The following SATB1 variants were observed in gnomAD, a reference collection of about 807,000 sequenced individuals.
SATB1 encodes SATB homeobox 1, also known as DNA-binding protein SATB1.
Under a neutral mutation model 86.9 loss-of-function variants are expected in SATB1, and 11 were observed. The ratio of observed to expected loss-of-function variants is 0.13; its 90% CI spans 0.08 to 0.21. SATB1 has a LOEUF of 0.21. Among genes scored for constraint, SATB1 ranks in the 10% least tolerant of loss-of-function variants. The pLI, the probability that SATB1 is intolerant of heterozygous loss-of-function variation, is 1.00. For missense variants in SATB1, 551 were observed against 937.6 expected (o/e 0.59, Z 5.39); for synonymous variants, 357 against 357.2 (o/e 1.00, Z 0.01).
intron 9 of SATB1, among the ~76,000 whole-genome samples, chr3:18,377,117 T>TA (rs1214882192): frequency 1.3e-5 from 2 of 152,100 alleles, no homozygotes; most frequent in Non-Finnish European, 1.5e-5. Context: ...GTCGATAGGG[T>TA]AAAAGTTTAG....
chr3:18,371,392 A>G (rs1450050171), intron 9 of SATB1, among the ~76,000 whole-genome samples: 2 of 152,242 alleles, frequency 1.3e-5, no homozygotes, highest in East Asian at 3.9e-4. Flanking sequence ...ATATAGATAT[A>G]TATATTTTTA....
chr3:18,388,321 G>C (rs143181809), intron 7 of SATB1, among the ~76,000 whole-genome samples: 2 of 151,530 alleles, frequency 1.3e-5, no homozygotes, highest in Non-Finnish European at 2.9e-5. Context: ...AAACATTCAG[G>C]TCTCAAAAAA....
At chr3:18,422,595 T>G (rs1479168895) in intron 1 of SATB1, among the ~76,000 whole-genome samples, 2 of 152,252 alleles carry the variant, frequency 1.3e-5, no homozygotes, top group African/African-American at 4.8e-5. Context: ...TATATTAAAC[T>G]GCAGTCTAAA....
chr3:18,378,174 C>A lies in SATB1; in HGVS notation c.1571G>T (p.Ser524Ile). ...ATGCCTAACAGAGGCTCTTACCTGG[C>A]TTTTGGTTGCTGCAACCTTTGCAAA... ...ALFAKVAATK[S>I]QGWLCELLRW... The change falls in exon 9 of 11, where the codon AGC becomes ATC. Residue 524 changes from serine to isoleucine, a missense_variant. Ser to Ile is a moderately radical substitution (Grantham distance 142). Coordinates refer to ENST00000338745, the MANE Select transcript of SATB1 (RefSeq NM_002971.6). 6.4e-7 allele frequency: 1 copy of A among 1,573,018 alleles called. No individual in the cohort carries two copies. The highest frequency in any genetic ancestry group is 1.9e-5 in the Admixed American group (1 of 52,136).
chr3:18,374,906 T>TA (rs1695667693), intron 9 of SATB1, among the ~76,000 whole-genome samples: 1 of 152,218 alleles, frequency 6.6e-6, no homozygotes, highest in Non-Finnish European at 1.5e-5. Context: ...GCATACATTG[T>TA]AGCATGTGCC....
intron 10 of SATB1, chr3:18,351,248 G>T (rs927794358): frequency 3.1e-5 from 41 of 1,337,020 alleles, no homozygotes; most frequent in Non-Finnish European, 3.9e-5. Flanking sequence ...CTGACCTGGG[G>T]AGCAGGTCTT....
chr3:18,386,912 A>G lies in SATB1; in HGVS notation c.1207-301T>C, dbSNP rs1407094497. 1.3e-5 allele frequency among the ~76,000 whole-genome samples: 2 copies of G among 152,210 alleles called. No homozygotes were observed. The highest frequency in any genetic ancestry group is 4.8e-5 in the African/African-American group (2 of 41,446). ...AGAGAGACGATCCAGGGAAGTTAAG[A>G]ATAAACGAAATCCTTATAATGCAAC... On this transcript the variant is annotated intron_variant, in intron 7 of 10. Transcript: ENST00000338745. This position sits in a 1 kb window ranked among gnomAD's most constrained non-coding sequence, Gnocchi z 4.5.
At chr3:18,406,964 T>C (rs1697571089) in intron 5 of SATB1, among the ~76,000 whole-genome samples, 1 of 152,070 alleles carries the variant, frequency 6.6e-6, no homozygotes, top group African/African-American at 2.4e-5. Flanking sequence ...TCAGGATCTA[T>C]GACAGTGATG....
At chr3:18,368,441 C>T (rs978753476) in intron 9 of SATB1, among the ~76,000 whole-genome samples, 5 of 151,860 alleles carry the variant, frequency 3.3e-5, no homozygotes, top group Non-Finnish European at 7.4e-5. Flanking sequence ...TGAAAGTTAT[C>T]GTGGAGTAAA....
At chr3:18,437,581 T>C (rs1006205307) in intron 1 of SATB1, among the ~76,000 whole-genome samples, 1 of 152,208 alleles carries the variant, frequency 6.6e-6, no homozygotes, top group Non-Finnish European at 1.5e-5. Flanking sequence ...TACAGTATTA[T>C]TAAAATACAG....
In SATB1 at chr3:18,386,662, C is replaced by A. The variant is rs777597840; in HGVS notation, c.1207-51G>T. 1 of 1,451,084 alleles carries A rather than the reference C, an allele frequency of 6.9e-7. No individual in the cohort carries two copies. Among genetic ancestry groups the A allele is most frequent in the Non-Finnish European group, 9.7e-7 (1 of 1,033,780 alleles). The allele number at this position is 1,451,084 out of a possible 1,614,324, so 89.9% of individuals were successfully genotyped here. On this transcript the variant is annotated intron_variant, in intron 7 of 10. Transcript: ENST00000338745. The surrounding 1 kb of genome is among the most constrained non-coding windows in gnomAD (Gnocchi z 4.5). ...GAGCCTGCTGCCTTGCTTTGCCTGGCCAGCAGTGATCCTTCCCTTTTCTTC... is the reference window on the plus strand; with the variant it reads ...GAGCCTGCTGCCTTGCTTTGCCTGGACAGCAGTGATCCTTCCCTTTTCTTC...
chr3:18,350,502 A>C (rs939005357), intron 10 of SATB1: 1 of 152,356 alleles, frequency 6.6e-6, no homozygotes, highest in African/African-American at 2.4e-5. Flanking sequence ...CATACTGTAC[A>C]CTCGATATCC....
chr3:18,377,179 C>T (rs1178020734), intron 9 of SATB1, among the ~76,000 whole-genome samples: 1 of 152,018 alleles, frequency 6.6e-6, no homozygotes, highest in Non-Finnish European at 1.5e-5. Context: ...ATAAATACTC[C>T]CACAATTGTG....
chr3:18,410,285 A>G (rs1398674689), intron 5 of SATB1, among the ~76,000 whole-genome samples: 1 of 152,138 alleles, frequency 6.6e-6, no homozygotes, highest in East Asian at 1.9e-4. Flanking sequence ...AAAGCATATT[A>G]TAAAACCTAT....
chr3:18,401,926 C>A (rs1697288903), intron 5 of SATB1, among the ~76,000 whole-genome samples: 1 of 152,130 alleles, frequency 6.6e-6, no homozygotes, highest in Non-Finnish European at 1.5e-5. Context: ...GCTGAGCTTC[C>A]TTTTCAGCCA....
At chr3:18,435,577 TCTA>T (rs1699030372) in intron 2 of SATB1, among the ~76,000 whole-genome samples, 1 of 152,152 alleles carries the variant, frequency 6.6e-6, no homozygotes, top group South Asian at 2.1e-4. Flanking sequence ...AAAAGGTATG[TCTA>T]CCTTATGTCC....
At chr3:18,389,638 A>G (rs555989707) in intron 7 of SATB1, among the ~76,000 whole-genome samples, 117 of 152,218 alleles carry the variant, frequency 7.7e-4, no homozygotes, top group African/African-American at 2.7e-3. Context: ...CATGCTAAAA[A>G]ATAGTATGAA....
At chr3:18,416,634 C>CA (rs1165394281) in intron 3 of SATB1, among the ~76,000 whole-genome samples, 1 of 152,042 alleles carries the variant, frequency 6.6e-6, no homozygotes, top group Non-Finnish European at 1.5e-5. Context: ...TGTGGGTCCT[C>CA]AGTGGAGCAG....
At position 18,345,525 on chromosome 3, in the gene SATB1, T is replaced by C. The variant is rs996678710; in HGVS notation, c.*3645A>G. The C allele has an allele frequency of 6.6e-6, 1 of 152,164 alleles. No individual in the cohort carries two copies. The highest frequency in any genetic ancestry group is 2.4e-5 in the African/African-American group (1 of 41,468). 9.4% of individuals were successfully genotyped at this position (152,164 alleles called of 1,614,324 possible). On this transcript the variant is annotated 3_prime_UTR_variant, in exon 11 of 11. Coordinates refer to ENST00000338745, the MANE Select transcript of SATB1 (RefSeq NM_002971.6). ...ATGTGCATATTAATAGATTGTAGTT[T>C]AGCCTTTGTCAAAAGACATGCAAGT...
Sources: allele counts gnomAD v4.1 joint callset (sites outside exome capture counted in the v4.1 genomes callset), GRCh38; gene constraint gnomAD v4.1.1; non-coding constraint Gnocchi (gnomAD v3.1); transcripts MANE v1.5; gene names NCBI Gene and HGNC (gene_info 2026-07-23, HGNC 2026-07-21).